Variants in SOX5 observed in about 807,000 individuals in gnomAD.
SOX5 encodes the protein SRY-box transcription factor 5.
SOX5 carries 9 observed loss-of-function variants against 92.0 expected under a neutral mutation model. The observed-to-expected ratio is 0.10, with a 90% CI of 0.06 to 0.17. The LOEUF (loss-of-function observed/expected upper bound fraction) is 0.17. Among genes scored for constraint, SOX5 ranks in the 10% least tolerant of loss-of-function variants. The probability of loss-of-function intolerance (pLI) is 1.00; values close to 1 mark genes in which losing one functional copy is unlikely to be tolerated. For synonymous variants in SOX5, 344 were observed against 336.3 expected (o/e 1.02, Z -0.25); for missense variants, 642 against 944.5 (o/e 0.68, Z 4.20).
intron 13 of SOX5, among the ~76,000 whole-genome samples, chr12:23,540,948 T>C (rs932386696): frequency 6.6e-6 from 1 of 152,232 alleles, no homozygotes. Context: ...AGAATGATCT[T>C]GTGGATATTT....
intron 2 of SOX5, among the ~76,000 whole-genome samples, chr12:24,283,935 A>G (rs550758487): frequency 2.6e-4 from 39 of 152,336 alleles, no homozygotes; most frequent in African/African-American, 9.4e-4. Context: ...AGTTTGTCTG[A>G]AATTTCTAAG....
chr12:24,304,201 A>T (rs981518541), intron 2 of SOX5, among the ~76,000 whole-genome samples: 3 of 152,220 alleles, frequency 2.0e-5, no homozygotes, highest in African/African-American at 7.2e-5. Context: ...AGAGAATTCC[A>T]TGTCAAAGAG....
intron 4 of SOX5, among the ~76,000 whole-genome samples, chr12:23,969,328 T>TTC (rs899653974): frequency 1.3e-5 from 2 of 152,046 alleles, no homozygotes; most frequent in East Asian, 1.9e-4. Context: ...TCAATCCATT[T>TTC]TTTTTCCCAC....
intron 1 of SOX5, among the ~76,000 whole-genome samples, chr12:24,498,455 A>C (rs1207657972): frequency 2.0e-5 from 3 of 152,156 alleles, no homozygotes; most frequent in African/African-American, 7.2e-5. Flanking sequence ...CTTTCTCAAA[A>C]GATCATGAGC....
intron 6 of SOX5, among the ~76,000 whole-genome samples, chr12:23,670,774 C>T (rs1004520139): frequency 2.7e-5 from 4 of 147,816 alleles, no homozygotes; most frequent in South Asian, 4.4e-4. Context: ...AGGAAGTTCT[C>T]GATGGTTATT....
chr12:23,837,257 T>TTATATAA (rs1215047168), intron 3 of SOX5, among the ~76,000 whole-genome samples: 914 of 76,962 alleles, frequency 0.012, 50 homozygotes, highest in African/African-American at 0.032. Context: ...ATATTTATAT[T>TTATATAA]TATATAATAT....
chr12:24,558,328 T>C (rs545994955), intron 1 of SOX5, among the ~76,000 whole-genome samples: 1 of 152,162 alleles, frequency 6.6e-6, no homozygotes, highest in Non-Finnish European at 1.5e-5. Context: ...AAGTCCCGTG[T>C]AGGCAGATAA....
At chr12:23,745,262 T>C (rs2086664374) in intron 4 of SOX5, among the ~76,000 whole-genome samples, 1 of 152,188 alleles carries the variant, frequency 6.6e-6, no homozygotes, top group Admixed American at 6.6e-5. Flanking sequence ...CACTGCCATT[T>C]TTGTCATCTT....
rs1465283570 is a variant in SOX5 at position 24,100,178 on chromosome 12, C to T, written c.-2+113165G>A. On this transcript the variant is annotated intron_variant, in intron 4 of 4. Transcript: ENST00000446891. Reference sequence around the variant, plus strand: ...GAATATCAAACGTTCTGTTATTTCCCATCTTAAAACAAATAAACAACACTT... The same window carrying T: ...GAATATCAAACGTTCTGTTATTTCCTATCTTAAAACAAATAAACAACACTT... 3.3e-5 allele frequency among the ~76,000 whole-genome samples: 5 copies of T among 152,000 alleles called. No individual in the cohort carries two copies. In the East Asian group the frequency reaches 9.7e-4, roughly 29 times the overall value.
At chr12:23,966,872 C>A (rs567519230) in intron 4 of SOX5, among the ~76,000 whole-genome samples, 3 of 152,216 alleles carry the variant, frequency 2.0e-5, no homozygotes, top group Non-Finnish European at 4.4e-5. Flanking sequence ...AAAAGTAACA[C>A]CAGCATATAA....
chr12:24,176,410 G>A (rs186366941), intron 4 of SOX5, among the ~76,000 whole-genome samples: 192 of 152,150 alleles, frequency 1.3e-3, no homozygotes, highest in Middle Eastern at 3.4e-3. Context: ...ACAGTATAAA[G>A]CACACACATT....
chr12:23,793,138 C>T (rs2095505385), intron 3 of SOX5, among the ~76,000 whole-genome samples: 1 of 152,134 alleles, frequency 6.6e-6, no homozygotes, highest in African/African-American at 2.4e-5. Flanking sequence ...ACTATAAATT[C>T]TCCTCATATG....
At chr12:23,689,431 T>C (rs1295538859) in intron 6 of SOX5, among the ~76,000 whole-genome samples, 1 of 152,136 alleles carries the variant, frequency 6.6e-6, no homozygotes. Flanking sequence ...TCAAATACTG[T>C]TTATTTACTT....
chr12:23,829,757 T>A (rs2096285316), intron 3 of SOX5, among the ~76,000 whole-genome samples: 2 of 152,164 alleles, frequency 1.3e-5, no homozygotes, highest in Admixed American at 1.3e-4. Flanking sequence ...TCAAATAGAT[T>A]CTTTTTTTAT....
At chr12:23,720,538 C>T (rs149380397) in intron 6 of SOX5, among the ~76,000 whole-genome samples, 2 of 151,426 alleles carry the variant, frequency 1.3e-5, no homozygotes, top group African/African-American at 4.8e-5. Flanking sequence ...TTCACAAATC[C>T]CAATGATATG....
chr12:24,126,631 T>C (rs1009184877), intron 4 of SOX5, among the ~76,000 whole-genome samples: 1 of 152,172 alleles, frequency 6.6e-6, no homozygotes, highest in Non-Finnish European at 1.5e-5. Context: ...CACAGAAACA[T>C]TGTCTCATAA....
chr12:23,580,629 T>A (rs1424891885), intron 9 of SOX5, among the ~76,000 whole-genome samples: 1 of 152,094 alleles, frequency 6.6e-6, no homozygotes, highest in Non-Finnish European at 1.5e-5. Context: ...ATGATATAAC[T>A]TCTTCTAATC....
At chr12:23,684,577 T>A (rs965397147) in intron 6 of SOX5, among the ~76,000 whole-genome samples, 3 of 152,114 alleles carry the variant, frequency 2.0e-5, no homozygotes, top group Non-Finnish European at 4.4e-5. Context: ...TCCATACTTT[T>A]TAAAGAACAT....
intron 1 of SOX5, among the ~76,000 whole-genome samples, chr12:23,927,231 G>T (rs945471665): frequency 3.3e-5 from 5 of 152,024 alleles, no homozygotes; most frequent in African/African-American, 1.2e-4. Flanking sequence ...TAACCATTCT[G>T]GGGGAGGCTC....
Sources: allele counts gnomAD v4.1 joint callset (sites outside exome capture counted in the v4.1 genomes callset), GRCh38; gene constraint gnomAD v4.1.1; transcripts MANE v1.5; gene names NCBI Gene and HGNC (gene_info 2026-07-23, HGNC 2026-07-21).